PTPRG: variants seen among roughly 807,000 people sequenced by gnomAD.
PTPRG encodes the protein receptor-type tyrosine-protein phosphatase gamma.
A neutral mutation model predicts 165.3 loss-of-function variants in PTPRG; 102 were observed. The ratio of observed to expected loss-of-function variants is 0.62; its 90% CI spans 0.53 to 0.73. PTPRG has a LOEUF of 0.73. PTPRG is among the 30% of genes least tolerant of loss of function. The probability of loss-of-function intolerance (pLI) is 0.00; values close to 1 mark genes in which losing one functional copy is unlikely to be tolerated. For synonymous variants in PTPRG, 675 were observed against 669.5 expected, an observed-to-expected ratio of 1.01 and a Z score of -0.13; for missense variants, 1,866 against 1,861.4, an observed-to-expected ratio of 1.00 and a Z score of -0.05.
intron 2 of PTPRG, among the ~76,000 whole-genome samples, chr3:61,845,757 T>C (rs2107347073): frequency 6.6e-6 from 1 of 152,346 alleles, no homozygotes. Context: ...TTATTTTTGG[T>C]CCATAAGCAT....
intron 1 of PTPRG, among the ~76,000 whole-genome samples, chr3:61,713,533 T>C (rs2031666213): frequency 1.3e-5 from 2 of 152,038 alleles, no homozygotes; most frequent in African/African-American, 4.8e-5. Context: ...GGCAAGGGGA[T>C]TATAGTAGAG....
chr3:61,824,122 C>T (rs1013301857), intron 2 of PTPRG, among the ~76,000 whole-genome samples: 2 of 150,712 alleles, frequency 1.3e-5, no homozygotes, highest in Non-Finnish European at 3.0e-5. Flanking sequence ...AGCGAGACTC[C>T]GTCTCAAAAA....
chr3:61,745,809 A>G (rs2033175808), intron 1 of PTPRG, among the ~76,000 whole-genome samples: 1 of 152,168 alleles, frequency 6.6e-6, no homozygotes, highest in Admixed American at 6.5e-5. Flanking sequence ...GCTCTAGTAC[A>G]ACAATGGCCT....
intron 2 of PTPRG, among the ~76,000 whole-genome samples, chr3:61,783,981 G>A (rs2034619772): frequency 6.6e-6 from 1 of 152,134 alleles, no homozygotes; most frequent in African/African-American, 2.4e-5. Context: ...CATGGGATGG[G>A]GTCAGAGGTT....
intron 1 of PTPRG, among the ~76,000 whole-genome samples, chr3:61,602,029 CAG>C (rs1337951393): frequency 1.3e-5 from 2 of 152,186 alleles, no homozygotes; most frequent in African/African-American, 2.4e-5. Context: ...GATTAGGAAA[CAG>C]TGGTGGAATT....
chr3:61,673,900 G>A (rs1198552949), intron 1 of PTPRG, among the ~76,000 whole-genome samples: 1 of 152,112 alleles, frequency 6.6e-6, no homozygotes, highest in Non-Finnish European at 1.5e-5. Flanking sequence ...GAACATGGAT[G>A]AAGCTGGAAA....
chr3:62,291,530 G>T (rs1702898109), intron 28 of PTPRG, among the ~76,000 whole-genome samples: 1 of 152,114 alleles, frequency 6.6e-6, no homozygotes, highest in African/African-American at 2.4e-5. Context: ...CTCTAAAGTT[G>T]GGGGGTGGCT....
At chr3:61,736,651 A>G (rs1329715058) in intron 1 of PTPRG, among the ~76,000 whole-genome samples, 1 of 151,920 alleles carries the variant, frequency 6.6e-6, no homozygotes, top group East Asian at 1.9e-4. Flanking sequence ...TTCCAGGAGC[A>G]CTCCCTCCAC....
chr3:62,121,945 T>G (rs1703089887), intron 5 of PTPRG, among the ~76,000 whole-genome samples: 1 of 152,218 alleles, frequency 6.6e-6, no homozygotes, highest in South Asian at 2.1e-4. Flanking sequence ...CTTTCCTCAT[T>G]GCAATTTAAT....
rs13068376 is a variant in PTPRG at position 61,605,573 on chromosome 3, G to T, written c.85+43201G>T. On this transcript the variant is annotated intron_variant, in intron 1 of 29. Transcript: ENST00000474889. ...ACCAAGCCAATTTTTTTATTTTTTT[G>T]TTTTTTTTATTTTTAGAAAGAGTCT... is the stretch of plus-strand genomic sequence containing the variant. Among the ~76,000 whole-genome samples the T allele has an allele frequency of 5.7e-3, 140 of 24,524 alleles. 1 individual carries two copies. The highest frequency in any genetic ancestry group is 0.014 in the South Asian group (2 of 146). The allele number at this position is 24,524 out of a possible 152,430, so 16.1% of individuals were successfully genotyped here. A position where few individuals can be genotyped will look rare whatever the true frequency, so the allele number is the denominator to read the frequency against.
intron 2 of PTPRG, among the ~76,000 whole-genome samples, chr3:61,895,698 A>C (rs2038336708): frequency 6.6e-6 from 1 of 152,164 alleles, no homozygotes; most frequent in South Asian, 2.1e-4. Flanking sequence ...TATTGTGATT[A>C]GGGGCTGAAA....
chr3:61,886,505 T>C (rs990606816), intron 2 of PTPRG, among the ~76,000 whole-genome samples: 1 of 152,142 alleles, frequency 6.6e-6, no homozygotes, highest in Non-Finnish European at 1.5e-5. Context: ...TTGAAGGATA[T>C]TGATGTCTGA....
chr3:61,567,856 C>T (rs1012165181), intron 1 of PTPRG, among the ~76,000 whole-genome samples: 7 of 150,312 alleles, frequency 4.7e-5, no homozygotes, highest in African/African-American at 9.8e-5. Flanking sequence ...TGGTGGTATG[C>T]GCCTGTAGTT....
At chr3:61,954,069 G>T (rs561171113) in intron 2 of PTPRG, among the ~76,000 whole-genome samples, 16 of 152,178 alleles carry the variant, frequency 1.1e-4, no homozygotes, top group Non-Finnish European at 2.1e-4. Flanking sequence ...CTTCCAGTTT[G>T]TTTTCCTAGA....
intron 6 of PTPRG, among the ~76,000 whole-genome samples, chr3:62,155,871 A>C (rs948455904): frequency 6.6e-6 from 1 of 152,112 alleles, no homozygotes; most frequent in African/African-American, 2.4e-5. Flanking sequence ...TGTGTCTATG[A>C]GGTCACCTGG....
At position 61,893,884 on chromosome 3, in the gene PTPRG, T is replaced by A. The variant is rs368674766; in HGVS notation, c.191-95741T>A. 3.9e-5 allele frequency among the ~76,000 whole-genome samples: 6 copies of A among 152,314 alleles called. No homozygotes were observed. In the East Asian group the frequency reaches 7.7e-4, roughly 20 times the overall value. ...AAACATTTCTTTGGTGCTGGTCAGG[T>A]CACTTACTACTGGGCTAATAGGAGT... On this transcript the variant is annotated intron_variant, in intron 2 of 29. Transcript: ENST00000474889.
chr3:61,726,059 A>G (rs1575612522), intron 1 of PTPRG, among the ~76,000 whole-genome samples: 1 of 152,186 alleles, frequency 6.6e-6, no homozygotes, highest in South Asian at 2.1e-4. Context: ...ACTGGCTGGG[A>G]TGAGTGGTAG....
intron 4 of PTPRG, among the ~76,000 whole-genome samples, chr3:62,074,486 G>C (rs952592108): frequency 6.6e-6 from 1 of 150,750 alleles, no homozygotes; most frequent in Non-Finnish European, 1.5e-5. Flanking sequence ...CTCCTGAATA[G>C]GTGGGACTAC....
At chr3:61,716,397 A>G (rs1341860423) in intron 1 of PTPRG, among the ~76,000 whole-genome samples, 1 of 152,228 alleles carries the variant, frequency 6.6e-6, no homozygotes, top group Non-Finnish European at 1.5e-5. Flanking sequence ...CAAAGACAAA[A>G]CACAAGATCA....
Sources: gnomAD v4.1 joint callset for allele counts (sites outside exome capture counted in the v4.1 genomes callset) on GRCh38, gnomAD v4.1.1 for gene constraint, MANE v1.5 for transcripts, NCBI Gene and HGNC (gene_info 2026-07-23, HGNC 2026-07-21) for gene names.